Variants in PLXNA4 observed in about 807,000 individuals in gnomAD.
PLXNA4 encodes plexin-A4.
A neutral mutation model predicts 191.8 loss-of-function variants in PLXNA4; 44 were observed. The observed-to-expected ratio is 0.23, with a 90% CI of 0.18 to 0.29. The LOEUF (loss-of-function observed/expected upper bound fraction) is 0.29. PLXNA4 is among the 10% of genes least tolerant of loss of function. PLXNA4 has a pLI of 1.00. For synonymous variants in PLXNA4, 1,082 were observed against 1,009.5 expected, an observed-to-expected ratio of 1.07 and a Z score of -1.36; for missense variants, 1,800 against 2,488.8, an observed-to-expected ratio of 0.72 and a Z score of 5.89.
intron 3 of PLXNA4, among the ~76,000 whole-genome samples, chr7:132,331,919 G>A (rs1441680350): frequency 6.6e-6 from 1 of 152,180 alleles, no homozygotes; most frequent in Non-Finnish European, 1.5e-5. Flanking sequence ...GGGCCCTTGA[G>A]TGTTGAGATC....
intron 9 of PLXNA4, 35 bp from the exon 10 acceptor site, chr7:132,211,178 C>T: frequency 6.5e-7 from 1 of 1,542,708 alleles, no homozygotes; most frequent in Middle Eastern, 1.7e-4. Context: ...GCTGGGCAGC[C>T]AGGAAACCAA....
intron 2 of PLXNA4, among the ~76,000 whole-genome samples, chr7:132,594,815 C>T (rs781201760): frequency 6.6e-6 from 1 of 152,068 alleles, no homozygotes; most frequent in Non-Finnish European, 1.5e-5. Context: ...AGGCACTGAG[C>T]CCTGGGAGAA....
chr7:132,381,317 G>T (rs556389656), intron 3 of PLXNA4, among the ~76,000 whole-genome samples: 17 of 152,266 alleles, frequency 1.1e-4, no homozygotes, highest in African/African-American at 3.6e-4. Context: ...AGGGAGCAGA[G>T]GTGCATAGAA....
intron 3 of PLXNA4, among the ~76,000 whole-genome samples, chr7:132,457,945 G>A (rs924487958): frequency 6.6e-6 from 1 of 152,192 alleles, no homozygotes; most frequent in African/African-American, 2.4e-5. Flanking sequence ...TTGGTTTCAG[G>A]CCAGTGAATC....
Position 132,197,002 on chromosome 7 carries a change from T to A in PLXNA4, c.2738+1483A>T, listed in dbSNP as rs945047018. Among the ~76,000 whole-genome samples the A allele has an allele frequency of 2.0e-5, 3 of 152,284 alleles. No homozygotes were observed. In the East Asian group the frequency reaches 5.8e-4, roughly 29 times the overall value. ...AGGGTATAACCATACTCCCAGTTTATCATTCACATTTTTATTTTGCTTGCA... is the reference window on the plus strand; with the variant it reads ...AGGGTATAACCATACTCCCAGTTTAACATTCACATTTTTATTTTGCTTGCA... On this transcript the variant is annotated intron_variant, in intron 13 of 31. Coordinates refer to ENST00000321063, the MANE Select transcript of PLXNA4 (RefSeq NM_020911.2).
In PLXNA4 at chr7:132,179,923, T is replaced by TG; in HGVS notation, c.3640-3dup. ...GTACTCCATGCCACCGACACGGGCC[T>TG]GGGGGCACACAGGGCAAGAGGGAGC... On this transcript the variant is annotated splice_region_variant and splice_polypyrimidine_tract_variant and intron_variant, in intron 19 of 31. Transcript: ENST00000321063. 6.2e-7 allele frequency: 1 copy of TG among 1,603,298 alleles called. No individual in the cohort carries two copies. The highest frequency in any genetic ancestry group is 8.5e-7 in the Non-Finnish European group (1 of 1,174,074).
At chr7:132,315,751 T>A (rs1360588046) in intron 3 of PLXNA4, among the ~76,000 whole-genome samples, 1 of 152,082 alleles carries the variant, frequency 6.6e-6, no homozygotes, top group Non-Finnish European at 1.5e-5. Flanking sequence ...TGTGAGCTGA[T>A]TGTTAGGAGG....
At chr7:132,280,921 AT>A (rs1204857592) in intron 4 of PLXNA4, among the ~76,000 whole-genome samples, 2 of 151,952 alleles carry the variant, frequency 1.3e-5, no homozygotes, top group African/African-American at 4.8e-5. Context: ...ATGCACATAT[AT>A]TTATTTATAA....
chr7:132,223,753 T>C (rs1798221170), intron 8 of PLXNA4, 112 bp from the exon 9 acceptor site: 4 of 789,184 alleles, frequency 5.1e-6, no homozygotes, highest in East Asian at 2.8e-5. Context: ...GAAACCACCG[T>C]TGAATGTGCA....
At chr7:132,635,028 G>A (rs1345547718) in intron 2 of PLXNA4, among the ~76,000 whole-genome samples, 1 of 152,056 alleles carries the variant, frequency 6.6e-6, no homozygotes, top group East Asian at 1.9e-4. Flanking sequence ...TTTCTCCTGT[G>A]CTGGATGCTT....
chr7:132,221,145 TC>T (rs1798132123), intron 9 of PLXNA4, among the ~76,000 whole-genome samples: 1 of 152,244 alleles, frequency 6.6e-6, no homozygotes, highest in Non-Finnish European at 1.5e-5. Flanking sequence ...CTTATTTTAT[TC>T]CCTTCTGGTT....
chr7:132,323,770 T>G (rs987170358), intron 3 of PLXNA4, among the ~76,000 whole-genome samples: 1 of 152,188 alleles, frequency 6.6e-6, no homozygotes, highest in African/African-American at 2.4e-5. Flanking sequence ...AGATCTGTCA[T>G]GTGGAGGAGA....
intron 4 of PLXNA4, among the ~76,000 whole-genome samples, chr7:132,264,969 C>G (rs535133134): frequency 6.6e-6 from 1 of 152,230 alleles, no homozygotes; most frequent in Non-Finnish European, 1.5e-5. Context: ...GCTGGGATTA[C>G]AGGCATGAGC....
intron 21 of PLXNA4, among the ~76,000 whole-genome samples, chr7:132,172,660 C>A (rs73723715): frequency 0.085 from 12,994 of 152,144 alleles, 690 homozygotes; most frequent in African/African-American, 0.14. Context: ...TCTCACATAG[C>A]CCCCGGCTAA....
chr7:132,529,177 C>A (rs981522267), intron 1 of PLXNA4, among the ~76,000 whole-genome samples: 3 of 152,232 alleles, frequency 2.0e-5, no homozygotes, highest in Non-Finnish European at 2.9e-5. Context: ...GAAGGCCCTA[C>A]CTGGCAGCCA....
chr7:132,510,061 G>T (rs527844624), intron 1 of PLXNA4, among the ~76,000 whole-genome samples: 1 of 152,314 alleles, frequency 6.6e-6, no homozygotes, highest in African/African-American at 2.4e-5. Flanking sequence ...CATCCTGAGG[G>T]TCTCTTTCTA....
At chr7:132,580,091 A>G (rs143390235), upstream of PLXNA4, among the ~76,000 whole-genome samples, 383 of 152,292 alleles carry the variant, frequency 2.5e-3, 3 homozygotes, top group African/African-American at 8.8e-3. Flanking sequence ...TAGAGTTGCA[A>G]TGACATTCAA....
chr7:132,502,514 T>C (rs1465635003), intron 2 of PLXNA4, among the ~76,000 whole-genome samples: 3 of 152,170 alleles, frequency 2.0e-5, no homozygotes, highest in Non-Finnish European at 4.4e-5. Flanking sequence ...AGTCTTGTAG[T>C]GGCTGGGAAC....
intron 2 of PLXNA4, among the ~76,000 whole-genome samples, chr7:132,638,868 A>G (rs1472530297): frequency 5.3e-5 from 8 of 152,152 alleles, no homozygotes; most frequent in African/African-American, 1.9e-4. Context: ...ACAAATGCTC[A>G]CTGACATTCA....
Sources: gnomAD v4.1 joint callset for allele counts (sites outside exome capture counted in the v4.1 genomes callset) on GRCh38, gnomAD v4.1.1 for gene constraint, MANE v1.5 for transcripts, NCBI Gene and HGNC (gene_info 2026-07-23, HGNC 2026-07-21) for gene names.